DHX36: variants seen among roughly 807,000 people sequenced by gnomAD.
DHX36 encodes ATP-dependent DNA/RNA helicase DHX36.
DHX36 carries 50 observed loss-of-function variants against 139.0 expected under a neutral mutation model. The observed-to-expected ratio is 0.36, with a 90% CI of 0.29 to 0.46. The LOEUF is 0.46. Among genes scored for constraint, DHX36 ranks in the 20% least tolerant of loss-of-function variants. DHX36 has a pLI of 1.00. For missense variants in DHX36, 1,024 were observed against 1,211.3 expected (o/e 0.85, Z 2.29); for synonymous variants, 425 against 401.9 (o/e 1.06, Z -0.69).
At chr3:154,322,572 C>A (rs1381559242) in intron 1 of DHX36, among the ~76,000 whole-genome samples, 1 of 152,152 alleles carries the variant, frequency 6.6e-6, no homozygotes, top group East Asian at 1.9e-4. Context: ...TTGGCCTTGC[C>A]AAGTGAATAA....
rs765639976 is a variant in DHX36, at chr3:154,301,021, G to A, written c.1324C>T (p.Arg442Cys). Residue 442 changes from arginine (R) to cysteine (C), a missense_variant, in exon 10 of 25, where the codon CGT (arginine) becomes TGT (cysteine). Around this residue, in one of 4 missense-constraint regions of DHX36, gnomAD observed 115 missense variants for 105.6 expected, o/e 1.09. Transcript: ENST00000496811. ...AGTTCCCTTACATAATCTGGCCAAC[G>A]TTCTTTATATATTGCTTCTTTTTCT... ...KEEKEAIYKERWPDYVRELRR... is the reference protein window; with the variant it reads ...KEEKEAIYKECWPDYVRELRR... The A allele has an allele frequency of 5.0e-6, 8 of 1,613,140 alleles. No homozygotes were observed. In the South Asian group the frequency reaches 6.6e-5, roughly 13 times the overall value.
rs1331669290 is a variant in DHX36 at position 154,312,900 on chromosome 3, T to TATAA, written c.604-1227_604-1226insTTAT. On this transcript the variant is annotated intron_variant, in intron 3 of 24. Coordinates refer to ENST00000496811, the MANE Select transcript of DHX36 (RefSeq NM_020865.3). ...ATATATATATATATATATATATATA[T>TATAA]AAAATAAATAAAGAACTGTCTTTGG... Among the ~76,000 whole-genome samples, 392 of 67,556 alleles carry TATAA rather than the reference T, an allele frequency of 5.8e-3. 18 individuals are homozygous for TATAA. The highest frequency in any genetic ancestry group is 0.017 in the East Asian group (29 of 1,658). 44.3% of individuals were successfully genotyped at this position (67,556 alleles called of 152,430 possible).
intron 5 of DHX36, among the ~76,000 whole-genome samples, chr3:154,308,071 A>G (rs370649617): frequency 1.3e-5 from 2 of 152,198 alleles, no homozygotes; most frequent in East Asian, 1.9e-4. Flanking sequence ...GACTCAGAAG[A>G]GAAGACAGGA....
chr3:154,320,965 T>C (rs1419426903), intron 1 of DHX36, among the ~76,000 whole-genome samples: 1 of 152,222 alleles, frequency 6.6e-6, no homozygotes, highest in Non-Finnish European at 1.5e-5. Flanking sequence ...CTTGCTACAG[T>C]CCTTAGAAAG....
intron 13 of DHX36, 37 bp from the exon 14 acceptor site, chr3:154,293,849 C>CT (rs1156520580): frequency 7.0e-6 from 10 of 1,432,336 alleles, no homozygotes; most frequent in African/African-American, 1.4e-5. Context: ...CAAAAGTACA[C>CT]TAACTTCTAA....
chr3:154,277,638 T>G lies in DHX36; in HGVS notation c.2648A>C (p.Tyr883Ser). Residue 883 changes from tyrosine (Y) to serine (S), a missense_variant, in exon 23 of 25, where the codon TAC (tyrosine) becomes TCC (serine). Physicochemically the swap from Tyr to Ser is moderately radical, Grantham distance 144. This residue lies in a region of DHX36 where 470 missense variants were observed against 616.2 expected (regional missense o/e 0.76). Transcript: ENST00000496811. ...CTTTAGGTGATAGATAAGCCAGTTGTAGTGAAAGTCTGTTTGCTCCACATT... is the reference window on the plus strand; with the variant it reads ...CTTTAGGTGATAGATAAGCCAGTTGGAGTGAAAGTCTGTTTGCTCCACATT... ...SVNVEQTDFHYNWLIYHLKMR... is the reference protein window; with the variant it reads ...SVNVEQTDFHSNWLIYHLKMR... 6.2e-7 allele frequency: 1 copy of G among 1,612,364 alleles called. No homozygotes were observed. The highest frequency in any genetic ancestry group is 8.5e-7 in the Non-Finnish European group (1 of 1,178,848).
At chr3:154,287,825 C>G (rs1711601549) in intron 17 of DHX36, among the ~76,000 whole-genome samples, 2 of 151,936 alleles carry the variant, frequency 1.3e-5, no homozygotes, top group Admixed American at 1.3e-4. Flanking sequence ...TTATGAGAGA[C>G]TACACAAATG....
chr3:154,287,065 A>G (rs1187668522), intron 17 of DHX36, among the ~76,000 whole-genome samples: 2 of 152,206 alleles, frequency 1.3e-5, no homozygotes, highest in African/African-American at 4.8e-5. Flanking sequence ...ATACAGGCCA[A>G]CAGATGAGAA....
rs1179776254 is a variant in DHX36 at position 154,284,988 on chromosome 3, C to T, written c.2032-1G>A. ...ATTCTTCTTGTTTATCCAAAGCGTT[C>T]TGTAAAGGAAGAGTGTGTGTTTAAA... On this transcript the variant is annotated splice_acceptor_variant, in intron 17 of 24. Coordinates refer to ENST00000496811, the MANE Select transcript of DHX36 (RefSeq NM_020865.3). LOFTEE classifies it high-confidence loss of function. The T allele has an allele frequency of 6.2e-7, 1 of 1,613,898 alleles. No individual in the cohort carries two copies. The highest frequency in any genetic ancestry group is 8.5e-7 in the Non-Finnish European group (1 of 1,179,958).
Position 154,273,574 on chromosome 3 carries a change from G to A in DHX36, c.*2597C>T, listed in dbSNP as rs539364586. The A allele has an allele frequency of 2.0e-5, 3 of 152,320 alleles. No homozygotes were observed. The highest frequency in any genetic ancestry group is 4.8e-5 in the African/African-American group (2 of 41,572). The allele number at this position is 152,320 out of a possible 1,614,324, so 9.4% of individuals were successfully genotyped here. A position where few individuals can be genotyped will look rare whatever the true frequency, so the allele number is the denominator to read the frequency against. The stretch of plus-strand genomic sequence containing the variant: ...AGAAAGACCAGATGGTCACCTCGAC[G>A]TTAGAGGCAAAACCAGTATGCTCTA... On this transcript the variant is annotated 3_prime_UTR_variant, in exon 25 of 25. Coordinates refer to ENST00000496811, the MANE Select transcript of DHX36 (RefSeq NM_020865.3).
chr3:154,306,432 G>C, intron 5 of DHX36, 137 bp from the exon 6 acceptor site: 1 of 690,992 alleles, frequency 1.4e-6, no homozygotes, highest in Non-Finnish European at 2.4e-6. Context: ...ATTAAAATCT[G>C]AGGTATCTAA....
chr3:154,295,158 A>AT (rs914455085), intron 13 of DHX36, 126 bp downstream of exon 13: 42 of 575,296 alleles, frequency 7.3e-5, no homozygotes, highest in African/African-American at 6.8e-4. Context: ...TCAAAGAAGT[A>AT]TTTTTTTACA....
chr3:154,282,230 G>A (rs187039685), intron 20 of DHX36, among the ~76,000 whole-genome samples: 13 of 152,220 alleles, frequency 8.5e-5, no homozygotes, highest in Admixed American at 7.2e-4. Flanking sequence ...TAATGGATGA[G>A]TCCTGTCTTC....
rs964982767 is a variant in DHX36, at chr3:154,299,645, T to A, written c.1549+193A>T. 4.2e-5 allele frequency: 25 copies of A among 588,664 alleles called. No individual in the cohort carries two copies. The Admixed American group carries it at 6.0e-4, about 14-fold the overall frequency. 36.5% of individuals were successfully genotyped at this position (588,664 alleles called of 1,614,324 possible). ...AATGAAAAACCTCACATACCTATGC[T>A]TTAAGAGCCAATTTTATTAGGCAAA... On this transcript the variant is annotated intron_variant, in intron 12 of 24. Transcript: ENST00000496811.
At chr3:154,289,848 A>C in intron 15 of DHX36, 22 bp from the exon 16 acceptor site, 1 of 1,449,292 alleles carries the variant, frequency 6.9e-7, no homozygotes, top group Non-Finnish European at 9.5e-7. Flanking sequence ...AACAAAACAA[A>C]ATGAAACAAA....
rs748303595 is a variant in DHX36 at position 154,316,127 on chromosome 3, G to T, written c.280C>A (p.Gln94Lys). The T allele has an allele frequency of 6.2e-7, 1 of 1,613,208 alleles. No individual in the cohort carries two copies. The highest frequency in any genetic ancestry group is 2.2e-5 in the East Asian group (1 of 44,814). ...ACAGAATTCAGTAACTGTACAATTT[G>T]TTCTTCTCGTCGTTCATCCATGTGT... ...VVHMDERREE[Q>K]IVQLLNSVQA... is the part of the protein sequence containing the mutation. Residue 94 changes from glutamine to lysine, a missense_variant, in exon 2 of 25, where the codon CAA (glutamine) becomes AAA (lysine). Coordinates refer to ENST00000496811, the MANE Select transcript of DHX36 (RefSeq NM_020865.3).
In DHX36 at chr3:154,275,996, ATATATC is replaced by A; in HGVS notation, c.*169_*174del. 1.6e-5 allele frequency: 7 copies of A among 425,260 alleles called. No individual in the cohort carries two copies. The highest frequency in any genetic ancestry group is 6.0e-4 in the Middle Eastern group (1 of 1,654). 26.3% of individuals were successfully genotyped at this position (425,260 alleles called of 1,614,324 possible). On this transcript the variant is annotated 3_prime_UTR_variant, in exon 25 of 25. Coordinates refer to ENST00000496811, the MANE Select transcript of DHX36 (RefSeq NM_020865.3). ...TTTTATGGTATATATATATATATATATATATCTCTACATATAACATCAAGTCATGCA... is the reference window on the plus strand; with the variant it reads ...TTTTATGGTATATATATATATATATATCTACATATAACATCAAGTCATGCA...
rs1025719362 is a variant in DHX36 at position 154,273,087 on chromosome 3, A to G, written c.*3084T>C. The stretch of plus-strand genomic sequence containing the variant: ...GTTTCTGTTTCAGGTTTTTTTTTTA[A>G]GAGTTATTCTCTGCATTACTCAAAA... On this transcript the variant is annotated 3_prime_UTR_variant, in exon 25 of 25. Transcript: ENST00000496811. The G allele has an allele frequency of 1.3e-5, 2 of 151,878 alleles. No individual in the cohort carries two copies. Among genetic ancestry groups the G allele is most frequent in the African/African-American group, 4.8e-5 (2 of 41,370 alleles). The allele number at this position is 151,878 out of a possible 1,614,324, so 9.4% of individuals were successfully genotyped here.
In DHX36 at chr3:154,274,090, T is replaced by TTGA. The variant is rs1719075092; in HGVS notation, c.*2080_*2081insTCA. On this transcript the variant is annotated 3_prime_UTR_variant, in exon 25 of 25. Coordinates refer to ENST00000496811, the MANE Select transcript of DHX36 (RefSeq NM_020865.3). ...GGGAAGCCAAGGCGGGCAGACTGCT[T>TTGA]GAGCACAGGAGTTTTGAGACCAGCC... The TTGA allele has an allele frequency of 6.6e-6, 1 of 152,658 alleles. No homozygotes were observed. Among genetic ancestry groups the TTGA allele is most frequent in the African/African-American group, 2.4e-5 (1 of 41,450 alleles). 9.5% of individuals were successfully genotyped at this position (152,658 alleles called of 1,614,324 possible).
Sources: allele counts gnomAD v4.1 joint callset (sites outside exome capture counted in the v4.1 genomes callset), GRCh38; gene constraint gnomAD v4.1.1; regional missense constraint gnomAD v4.1.1; transcripts MANE v1.5; gene names NCBI Gene and HGNC (gene_info 2026-07-23, HGNC 2026-07-21).